C15orf39: variants seen among roughly 807,000 people sequenced by gnomAD.
The protein encoded by C15orf39 is uncharacterized protein C15orf39.
In C15orf39, 24 loss-of-function variants were observed where a neutral mutation model predicts 53.9. That is an observed-to-expected ratio of 0.45 (90% CI 0.32 to 0.63). The LOEUF (loss-of-function observed/expected upper bound fraction) is 0.63. Among genes scored for constraint, C15orf39 ranks in the 20% least tolerant of loss-of-function variants. The pLI is 0.04. For missense variants in C15orf39, 1,271 were observed against 1,347.9 expected (o/e 0.94, Z 0.89); for synonymous variants, 569 against 576.5 (o/e 0.99, Z 0.19).
At chr15:75,204,542 T>C (rs925107369) in intron 1 of C15orf39, among the ~76,000 whole-genome samples, 43 of 152,222 alleles carry the variant, frequency 2.8e-4, no homozygotes, top group African/African-American at 1.0e-3. Context: ...AGTCTCACTC[T>C]GCTGCCCAGG....
Position 75,208,002 on chromosome 15 carries a change from C to T in C15orf39, c.1954C>T (p.Arg652Ter). Residue 652 changes from arginine to a stop codon, truncating the protein, a stop_gained, in exon 2 of 3, where the codon CGA becomes TGA. Transcript: ENST00000394987. LOFTEE classifies it high-confidence loss of function. ...NFHSSVAFMF[R>*]KFKILRPAPL... ...CCACAGCTCTGTGGCCTTCATGTTCCGAAAGTTCAAGATCCTCCGTCCGGC... is the reference window on the plus strand; with the variant it reads ...CCACAGCTCTGTGGCCTTCATGTTCTGAAAGTTCAAGATCCTCCGTCCGGC... The T allele has an allele frequency of 1.9e-6, 3 of 1,614,034 alleles. No individual in the cohort carries two copies. Among genetic ancestry groups the T allele is most frequent in the East Asian group, 2.2e-5 (1 of 44,878 alleles).
At position 75,208,363 on chromosome 15, in the gene C15orf39, C is replaced by G; in HGVS notation, c.2315C>G (p.Ala772Gly). 2 of 1,592,350 alleles carry G rather than the reference C, an allele frequency of 1.3e-6. No individual in the cohort carries two copies. The highest frequency in any genetic ancestry group is 1.3e-5 in the African/African-American group (1 of 74,558). Residue 772 changes from alanine (A) to glycine (G), a missense_variant, in exon 2 of 3, where the codon GCG (alanine) becomes GGG (glycine). Ala to Gly is a moderately conservative substitution (Grantham distance 60). Coordinates refer to ENST00000394987, the MANE Select transcript of C15orf39 (RefSeq NM_015492.5). ...SLEQHFTGLH[A>G]SLCDAISGSV... ...GAGCAGCATTTTACAGGACTACATGCGTCCCTGTGTGATGCTATTTCTGGC... is the reference window on the plus strand; with the variant it reads ...GAGCAGCATTTTACAGGACTACATGGGTCCCTGTGTGATGCTATTTCTGGC...
intron 1 of C15orf39, among the ~76,000 whole-genome samples, chr15:75,205,441 G>T (rs1036222895): frequency 1.3e-5 from 2 of 152,150 alleles, no homozygotes; most frequent in African/African-American, 4.8e-5. Flanking sequence ...GAGGAAAATC[G>T]AACAGAAGGG....
At chr15:75,204,356 T>G (rs1034699601) in intron 1 of C15orf39, among the ~76,000 whole-genome samples, 6 of 152,244 alleles carry the variant, frequency 3.9e-5, no homozygotes, top group African/African-American at 1.4e-4. Flanking sequence ...CCATCCTTCC[T>G]TGGTCTTGTC....
Position 75,206,847 on chromosome 15 carries a change from A to ACCCACTACCCACCAC in C15orf39, c.805_819dup (p.Tyr269_His273dup). ...GCCACCCTGTCAGGACACCGGGCCC[A>ACCCACTACCCACCAC]CCCACTACCCACCACCCCACCACCC... On this transcript the variant is annotated inframe_insertion, in exon 2 of 3. Coordinates refer to ENST00000394987, the MANE Select transcript of C15orf39 (RefSeq NM_015492.5). 1.9e-6 allele frequency: 3 copies of ACCCACTACCCACCAC among 1,566,462 alleles called. No individual in the cohort carries two copies. Among genetic ancestry groups the ACCCACTACCCACCAC allele is most frequent in the African/African-American group, 1.4e-5 (1 of 71,404 alleles).
At position 75,208,496 on chromosome 15, in the gene C15orf39, C is replaced by A; in HGVS notation, c.2448C>A (p.Ala816=). The part of the protein sequence containing the change: ...QDCQGVQGLL[A]KLLSQLQRFD... ...GCCAGGGTGTGCAGGGGCTGCTGGC[C>A]AAGCTGCTGTCTCAGCTGCAGCGCT... is the stretch of plus-strand genomic sequence containing the variant. Residue 816 remains alanine (A), a synonymous_variant, in exon 2 of 3, where the codon GCC becomes GCA. Transcript: ENST00000394987. 6.3e-7 allele frequency: 1 copy of A among 1,593,660 alleles called. No individual in the cohort carries two copies.
rs757799506 is a variant in C15orf39 at position 75,207,145 on chromosome 15, G to A, written c.1097G>A (p.Arg366Gln). 24 of 1,613,608 alleles carry A rather than the reference G, an allele frequency of 1.5e-5. No homozygotes were observed. In the East Asian group the frequency reaches 2.0e-4, roughly 13 times the overall value. ...GLKLEPPLTP[R>Q]CPLDFAPQTL... ...AAGCTGGAGCCGCCTCTCACTCCAC[G>A]GTGCCCATTGGACTTTGCCCCCCAG... The change falls in exon 2 of 3, where the codon CGG becomes CAG. Residue 366 changes from arginine to glutamine, a missense_variant. Arg to Gln is a conservative substitution (Grantham distance 43). Around this residue, in one of 2 missense-constraint regions of C15orf39, gnomAD observed 994 missense variants for 993.7 expected, o/e 1.00. Coordinates refer to ENST00000394987, the MANE Select transcript of C15orf39 (RefSeq NM_015492.5).
At position 75,207,325 on chromosome 15, in the gene C15orf39, G is replaced by A. The variant is rs769290532; in HGVS notation, c.1277G>A (p.Cys426Tyr). Residue 426 changes from cysteine to tyrosine, a missense_variant, in exon 2 of 3, where the codon TGC becomes TAC. Around this residue, in one of 2 missense-constraint regions of C15orf39, gnomAD observed 994 missense variants for 993.7 expected, o/e 1.00. Transcript: ENST00000394987. Reference protein sequence around the residue: ...ACQPLPASQPCSEPVRPAQEA... With the variant: ...ACQPLPASQPYSEPVRPAQEA... Reference sequence around the variant, plus strand: ...CAGCCTTTGCCAGCGAGCCAGCCCTGCTCAGAGCCTGTGAGGCCTGCACAG... The same window carrying A: ...CAGCCTTTGCCAGCGAGCCAGCCCTACTCAGAGCCTGTGAGGCCTGCACAG... 12 of 1,613,344 alleles carry A rather than the reference G, an allele frequency of 7.4e-6. No individual in the cohort carries two copies. The highest frequency in any genetic ancestry group is 1.0e-5 in the Non-Finnish European group (12 of 1,180,030).
Position 75,208,019 on chromosome 15 carries a change from C to T in C15orf39, c.1971C>T (p.Leu657=), listed in dbSNP as rs776699772. ...VAFMFRKFKI[L]RPAPLPAAVV... ...TCATGTTCCGAAAGTTCAAGATCCT[C>T]CGTCCGGCACCTTTGCCTGCAGCCG... The change falls in exon 2 of 3, where the codon CTC becomes CTT. Residue 657 remains leucine, a synonymous_variant. Coordinates refer to ENST00000394987, the MANE Select transcript of C15orf39 (RefSeq NM_015492.5). 3.1e-6 allele frequency: 5 copies of T among 1,613,964 alleles called. No homozygotes were observed. Among genetic ancestry groups the T allele is most frequent in the Non-Finnish European group, 4.2e-6 (5 of 1,180,034 alleles).
At chr15:75,208,937 G>A (rs969408462) in intron 2 of C15orf39, 113 bp downstream of exon 2, 68 of 1,454,032 alleles carry the variant, frequency 4.7e-5, no homozygotes, top group Non-Finnish European at 5.5e-5. Context: ...ACTCCTGCCC[G>A]GGTAGGGGGC....
chr15:75,210,870 G>C lies in C15orf39; in HGVS notation c.2898G>C (p.Arg966Ser), dbSNP rs754472540. Residue 966 changes from arginine (R) to serine (S), a missense_variant, in exon 3 of 3, where the codon AGG (arginine) becomes AGC (serine). Transcript: ENST00000394987. ...SPAPKVRKPGRKPPTPGPEKA... is the reference protein window; with the variant it reads ...SPAPKVRKPGSKPPTPGPEKA... ...CCCCCAAGGTCAGGAAGCCAGGCAG[G>C]AAGCCACCAACCCCTGGCCCGGAGA... 3 of 1,613,730 alleles carry C rather than the reference G, an allele frequency of 1.9e-6. No homozygotes were observed. Among genetic ancestry groups the C allele is most frequent in the Non-Finnish European group, 2.5e-6 (3 of 1,180,008 alleles).
rs1284539277 is a variant in C15orf39 at position 75,212,165 on chromosome 15, T to C, written c.*1049T>C. ...CCCATTAAAGCATCTGGCTCGTTTT[T>C]GGAAGTGGGGCCTGTCCGTGTGTTT... On this transcript the variant is annotated 3_prime_UTR_variant, in exon 3 of 3. Coordinates refer to ENST00000394987, the MANE Select transcript of C15orf39 (RefSeq NM_015492.5). The C allele has an allele frequency of 6.6e-6, 1 of 152,350 alleles. No individual in the cohort carries two copies. The highest frequency in any genetic ancestry group is 1.5e-5 in the Non-Finnish European group (1 of 68,116). 9.4% of individuals were successfully genotyped at this position (152,350 alleles called of 1,614,324 possible). A position where few individuals can be genotyped will look rare whatever the true frequency, so the allele number is the denominator to read the frequency against.
chr15:75,207,788 G>C lies in C15orf39; in HGVS notation c.1740G>C (p.Lys580Asn). ...EEVALDLSVR[K>N]PTAEASPVKA... Reference sequence around the variant, plus strand: ...TAGCCCTGGATTTGAGTGTGAGGAAGCCCACAGCAGAGGCCTCCCCTGTCA... The same window carrying C: ...TAGCCCTGGATTTGAGTGTGAGGAACCCCACAGCAGAGGCCTCCCCTGTCA... The change falls in exon 2 of 3, where the codon AAG (lysine) becomes AAC (asparagine). Residue 580 changes from lysine to asparagine, a missense_variant. By Grantham distance (94) the Lys-to-Asn change is moderately conservative (BLOSUM62 0). Transcript: ENST00000394987. 6.2e-7 allele frequency: 1 copy of C among 1,611,792 alleles called. No homozygotes were observed. Among genetic ancestry groups the C allele is most frequent in the Non-Finnish European group, 8.5e-7 (1 of 1,179,290 alleles).
Position 75,209,276 on chromosome 15 carries a change from C to A in C15orf39, c.2776+452C>A, listed in dbSNP as rs116197753. Reference sequence around the variant, plus strand: ...CCTCAGCCCCTGGGTCTCTCTCCCACACTGAACTCATCCCAAATCACACTC... The same window carrying A: ...CCTCAGCCCCTGGGTCTCTCTCCCAAACTGAACTCATCCCAAATCACACTC... On this transcript the variant is annotated intron_variant, in intron 2 of 2. Transcript: ENST00000394987. The A allele has an allele frequency of 1.8e-3, 305 of 167,518 alleles. 1 individual carries two copies. Among genetic ancestry groups the A allele is most frequent in the African/African-American group, 6.8e-3 (285 of 41,790 alleles). The allele number at this position is 167,518 out of a possible 1,614,324, so 10.4% of individuals were successfully genotyped here.
rs770764220 is a variant in C15orf39, at chr15:75,207,156, G to T, written c.1108G>T (p.Asp370Tyr). 6.2e-7 allele frequency: 1 copy of T among 1,613,852 alleles called. No individual in the cohort carries two copies. The highest frequency in any genetic ancestry group is 8.5e-7 in the Non-Finnish European group (1 of 1,180,000). Residue 370 changes from aspartate to tyrosine, a missense_variant, in exon 2 of 3, where the codon GAC becomes TAC. Physicochemically the swap from Asp to Tyr is radical, Grantham distance 160. Around this residue, in one of 2 missense-constraint regions of C15orf39, gnomAD observed 994 missense variants for 993.7 expected, o/e 1.00. Coordinates refer to ENST00000394987, the MANE Select transcript of C15orf39 (RefSeq NM_015492.5). ...EPPLTPRCPL[D>Y]FAPQTLSFPY... Reference sequence around the variant, plus strand: ...GCCTCTCACTCCACGGTGCCCATTGGACTTTGCCCCCCAGACACTGAGTTT... The same window carrying T: ...GCCTCTCACTCCACGGTGCCCATTGTACTTTGCCCCCCAGACACTGAGTTT...
rs2070454572 is a variant in C15orf39 at position 75,208,105 on chromosome 15, C to G, written c.2057C>G (p.Ser686Cys). 6.2e-7 allele frequency: 1 copy of G among 1,614,160 alleles called. No individual in the cohort carries two copies. The highest frequency in any genetic ancestry group is 8.5e-7 in the Non-Finnish European group (1 of 1,180,038). Reference sequence around the variant, plus strand: ...ACACAGCCTGCACCCACCCCCACATCTGGGCCCATTGGACTGCGGATTCTC... The same window carrying G: ...ACACAGCCTGCACCCACCCCCACATGTGGGCCCATTGGACTGCGGATTCTC... ...APTQPAPTPT[S>C]GPIGLRILAQ... is the part of the protein sequence containing the mutation. The change falls in exon 2 of 3, where the codon TCT becomes TGT. Residue 686 changes from serine (S) to cysteine (C), a missense_variant. Transcript: ENST00000394987.
rs753121580 is a variant in C15orf39 at position 75,207,961 on chromosome 15, T to C, written c.1913T>C (p.Met638Thr). Residue 638 changes from methionine (M) to threonine (T), a missense_variant, in exon 2 of 3, where the codon ATG becomes ACG. By Grantham distance (81) the Met-to-Thr change is moderately conservative (BLOSUM62 -1). Transcript: ENST00000394987. ...GGGGTGCCAGTGACCACAGATGCCA[T>C]GCCAAGGACCAACTTCCACAGCTCT... is the stretch of plus-strand genomic sequence containing the variant. Reference protein sequence around the residue: ...LPGVPVTTDAMPRTNFHSSVA... With the variant: ...LPGVPVTTDATPRTNFHSSVA... 6.2e-7 allele frequency: 1 copy of C among 1,613,878 alleles called. No individual in the cohort carries two copies. The highest frequency in any genetic ancestry group is 8.5e-7 in the Non-Finnish European group (1 of 1,180,014).
Position 75,211,262 on chromosome 15 carries a change from G to T in C15orf39, c.*146G>T. ...TCTCTGACCCTGTGGCCCATTCAGG[G>T]TGGGCTGAAGAGCCCCTGAGCTTTT... is the stretch of plus-strand genomic sequence containing the variant. On this transcript the variant is annotated 3_prime_UTR_variant, in exon 3 of 3. Transcript: ENST00000394987. 8.9e-7 allele frequency: 1 copy of T among 1,125,354 alleles called. No homozygotes were observed. Among genetic ancestry groups the T allele is most frequent in the Admixed American group, 2.7e-5 (1 of 36,706 alleles). The allele number at this position is 1,125,354 out of a possible 1,614,324, so 69.7% of individuals were successfully genotyped here.
Position 75,211,220 on chromosome 15 carries a change from C to T in C15orf39, c.*104C>T, listed in dbSNP as rs931023909. On this transcript the variant is annotated 3_prime_UTR_variant, in exon 3 of 3. Transcript: ENST00000394987. ...AGTGGATGCTGGGGCTGTGGCTGCTCCCCTGGAGGGGTTCCATCTCTGACC... is the reference window on the plus strand; with the variant it reads ...AGTGGATGCTGGGGCTGTGGCTGCTTCCCTGGAGGGGTTCCATCTCTGACC... 6.9e-7 allele frequency: 1 copy of T among 1,451,298 alleles called. No homozygotes were observed. Among genetic ancestry groups the T allele is most frequent in the Non-Finnish European group, 9.2e-7 (1 of 1,092,886 alleles). 89.9% of individuals were successfully genotyped at this position (1,451,298 alleles called of 1,614,324 possible).
Sources: gnomAD v4.1 joint callset for allele counts (sites outside exome capture counted in the v4.1 genomes callset) on GRCh38, gnomAD v4.1.1 for gene constraint, gnomAD v4.1.1 regional missense constraint, MANE v1.5 for transcripts, NCBI Gene and HGNC (gene_info 2026-07-23, HGNC 2026-07-21) for gene names.